Variants in PCDHA6 observed in about 807,000 individuals in gnomAD.
The protein encoded by PCDHA6 is protocadherin alpha-6.
Under a neutral mutation model 60.3 loss-of-function variants are expected in PCDHA6, and 55 were observed. The observed-to-expected ratio is 0.91, with a 90% CI of 0.73 to 1.14. The LOEUF is 1.14. Ranked by LOEUF, PCDHA6 falls within the 50% of genes most tolerant of loss-of-function variation. The probability of loss-of-function intolerance (pLI) is 0.00; values close to 1 mark genes in which losing one functional copy is unlikely to be tolerated. For synonymous variants in PCDHA6, 652 were observed against 557.9 expected, an observed-to-expected ratio of 1.17 and a Z score of -2.38; for missense variants, 1,327 against 1,256.5, an observed-to-expected ratio of 1.06 and a Z score of -0.85.
At chr5:140,854,493 T>C (rs990142871) in intron 1 of PCDHA6, 1 of 149,954 alleles carries the variant, frequency 6.7e-6, no homozygotes, top group African/African-American at 2.4e-5. Flanking sequence ...CAGAATTTAG[T>C]AGGACACATA....
chr5:141,004,883 A>T (rs1273215928), intron 3 of PCDHA6, among the ~76,000 whole-genome samples: 4 of 152,132 alleles, frequency 2.6e-5, no homozygotes, highest in Admixed American at 2.0e-4. Flanking sequence ...CTAAAGTGCT[A>T]TTGTGTCAGC....
chr5:140,930,917 G>A (rs528997377), intron 1 of PCDHA6, among the ~76,000 whole-genome samples: 3 of 152,272 alleles, frequency 2.0e-5, no homozygotes, highest in African/African-American at 7.2e-5. Context: ...TACTTTAGAT[G>A]TGTATATGTG....
chr5:140,892,310 A>AT (rs1422110989), intron 1 of PCDHA6, among the ~76,000 whole-genome samples: 1 of 152,230 alleles, frequency 6.6e-6, no homozygotes, highest in Non-Finnish European at 1.5e-5. Flanking sequence ...TTTGGGGCTT[A>AT]TAACATTTTC....
intron 2 of PCDHA6, among the ~76,000 whole-genome samples, chr5:140,980,886 C>T (rs2096909899): frequency 6.6e-6 from 1 of 152,062 alleles, no homozygotes; most frequent in South Asian, 2.1e-4. Context: ...TCGGTCTTTC[C>T]AGTCTTGGAC....
intron 1 of PCDHA6, chr5:140,858,909 C>T (rs2150442831): frequency 5.4e-6 from 1 of 185,188 alleles, no homozygotes; most frequent in South Asian, 1.1e-4. Flanking sequence ...CGTACCACAG[C>T]TTATACTGCC....
intron 1 of PCDHA6, among the ~76,000 whole-genome samples, chr5:140,943,363 T>C (rs1192531762): frequency 2.0e-5 from 3 of 148,712 alleles, no homozygotes; most frequent in Non-Finnish European, 4.5e-5. Flanking sequence ...GGAAAGGAGA[T>C]CATTAAAATA....
intron 1 of PCDHA6, among the ~76,000 whole-genome samples, chr5:140,888,357 G>C (rs2061799918): frequency 6.6e-6 from 1 of 152,138 alleles, no homozygotes; most frequent in Non-Finnish European, 1.5e-5. Flanking sequence ...ATTGCTACTG[G>C]CATCTAATAA....
chr5:140,857,234 C>T (rs781784109), intron 1 of PCDHA6: 2 of 1,598,590 alleles, frequency 1.3e-6, no homozygotes, highest in South Asian at 1.1e-5. Context: ...TCCGTTCAAG[C>T]TGGTGTCCAC....
intron 1 of PCDHA6, among the ~76,000 whole-genome samples, chr5:140,875,040 T>C (rs1369679625): frequency 2.0e-5 from 3 of 152,340 alleles, no homozygotes; most frequent in Admixed American, 2.0e-4. Flanking sequence ...ATTTGAAAGA[T>C]TTCTACTTTG....
chr5:140,836,758 G>A (rs2150269396), intron 1 of PCDHA6: 3 of 1,572,392 alleles, frequency 1.9e-6, no homozygotes, highest in African/African-American at 2.7e-5. Context: ...AAATAATCTT[G>A]TTTCCAACAA....
chr5:140,942,619 TA>T (rs35075175), intron 1 of PCDHA6, among the ~76,000 whole-genome samples: 84,954 of 148,808 alleles, frequency 0.57, 24,471 homozygotes, highest in African/African-American at 0.7. Context: ...TTGCCAATTG[TA>T]AAAAAAAAAA....
chr5:140,881,350 T>C, intron 1 of PCDHA6: 1 of 985,354 alleles, frequency 1.0e-6, no homozygotes, highest in Non-Finnish European at 1.2e-6. Flanking sequence ...CGGGCTACAA[T>C]GCGTGGCTTT....
At chr5:140,872,058 C>T (rs2053466493) in intron 1 of PCDHA6, among the ~76,000 whole-genome samples, 1 of 152,212 alleles carries the variant, frequency 6.6e-6, no homozygotes, top group African/African-American at 2.4e-5. Flanking sequence ...CTTCAGCCTC[C>T]AGAGTAGCTG....
At chr5:140,906,218 A>G (rs2072464720) in intron 1 of PCDHA6, among the ~76,000 whole-genome samples, 1 of 152,176 alleles carries the variant, frequency 6.6e-6, no homozygotes, top group African/African-American at 2.4e-5. Flanking sequence ...ATTAACCATC[A>G]CAAGTCCTCC....
At chr5:140,958,692 T>C (rs2095438296) in intron 1 of PCDHA6, among the ~76,000 whole-genome samples, 2 of 152,190 alleles carry the variant, frequency 1.3e-5, no homozygotes, top group African/African-American at 4.8e-5. Flanking sequence ...TTGAATATCC[T>C]AGAGTGACAA....
intron 1 of PCDHA6, chr5:140,843,873 T>C (rs1554140466): frequency 1.3e-6 from 1 of 797,276 alleles, no homozygotes; most frequent in Admixed American, 3.0e-5. Context: ...ATTTTCTCAG[T>C]GGCATAATAC....
intron 1 of PCDHA6, chr5:140,882,202 T>A: frequency 2.0e-6 from 3 of 1,529,778 alleles, no homozygotes; most frequent in Non-Finnish European, 2.6e-6. Context: ...AAATTGGGCC[T>A]TGAGAGACAG....
chr5:140,839,624 T>C (rs1776330895), intron 1 of PCDHA6, among the ~76,000 whole-genome samples: 1 of 152,036 alleles, frequency 6.6e-6, no homozygotes, highest in South Asian at 2.1e-4. Context: ...TCCTGAGATA[T>C]CGAGAAATAC....
intron 1 of PCDHA6, among the ~76,000 whole-genome samples, chr5:140,973,344 A>G (rs1389229715): frequency 1.3e-5 from 2 of 152,258 alleles, no homozygotes; most frequent in African/African-American, 2.4e-5. Flanking sequence ...AAAGTGACAT[A>G]GTAGTGAATT....
Sources: allele counts gnomAD v4.1 joint callset (sites outside exome capture counted in the v4.1 genomes callset), GRCh38; gene constraint gnomAD v4.1.1; transcripts MANE v1.5; gene names NCBI Gene and HGNC (gene_info 2026-07-23, HGNC 2026-07-21).